DGKI: variants seen among roughly 807,000 people sequenced by gnomAD.
DGKI encodes DAG kinase iota.
A neutral mutation model predicts 147.5 loss-of-function variants in DGKI; 55 were observed. The ratio of observed to expected loss-of-function variants is 0.37; its 90% CI spans 0.30 to 0.47. The LOEUF (loss-of-function observed/expected upper bound fraction) is 0.47. Ranked by LOEUF, DGKI falls within the 20% of genes least tolerant of loss-of-function variation. DGKI has a pLI of 1.00. For synonymous variants in DGKI, 469 were observed against 477.1 expected, an observed-to-expected ratio of 0.98 and a Z score of 0.22; for missense variants, 1,007 against 1,323.8, an observed-to-expected ratio of 0.76 and a Z score of 3.71.
At chr7:137,550,904 C>A (rs1394109216) in intron 20 of DGKI, among the ~76,000 whole-genome samples, 1 of 152,258 alleles carries the variant, frequency 6.6e-6, no homozygotes, top group Non-Finnish European at 1.5e-5. Flanking sequence ...AACCCTTGGT[C>A]CATTTAACTC....
intron 8 of DGKI, among the ~76,000 whole-genome samples, chr7:137,619,511 T>C (rs1419928064): frequency 1.3e-5 from 2 of 152,136 alleles, no homozygotes; most frequent in Non-Finnish European, 2.9e-5. Flanking sequence ...GCATCAGCTA[T>C]ACCCACCACT....
intron 19 of DGKI, among the ~76,000 whole-genome samples, chr7:137,562,228 T>C (rs1406932253): frequency 3.3e-5 from 5 of 150,580 alleles, no homozygotes; most frequent in Non-Finnish European, 2.9e-5. Flanking sequence ...ATGTGAAAGA[T>C]GTATGGAAGT....
At chr7:137,815,903 T>C (rs895311099) in intron 1 of DGKI, among the ~76,000 whole-genome samples, 2 of 152,176 alleles carry the variant, frequency 1.3e-5, no homozygotes, top group African/African-American at 4.8e-5. Flanking sequence ...TATAGGCCCT[T>C]ATATATTTGT....
chr7:137,601,256 G>C (rs1225353003), intron 10 of DGKI, among the ~76,000 whole-genome samples: 1 of 151,600 alleles, frequency 6.6e-6, no homozygotes, highest in African/African-American at 2.4e-5. Flanking sequence ...GGGTGAAAGA[G>C]CGAGACTCTG....
intron 28 of DGKI, among the ~76,000 whole-genome samples, chr7:137,421,399 C>G (rs540136374): frequency 3.3e-5 from 5 of 152,348 alleles, no homozygotes; most frequent in Admixed American, 6.5e-5. Flanking sequence ...TAATTAAATG[C>G]ATGAATATAT....
chr7:137,688,553 T>C (rs932235391), intron 2 of DGKI, among the ~76,000 whole-genome samples: 2 of 152,176 alleles, frequency 1.3e-5, no homozygotes, highest in Admixed American at 6.5e-5. Flanking sequence ...AAACTACCCC[T>C]GGAATGTCTC....
At chr7:137,733,800 A>G (rs141452315) in intron 1 of DGKI, among the ~76,000 whole-genome samples, 11 of 152,220 alleles carry the variant, frequency 7.2e-5, no homozygotes, top group Non-Finnish European at 8.8e-5. Context: ...ATTGGTGAAG[A>G]CAGACCTCAT....
intron 1 of DGKI, among the ~76,000 whole-genome samples, chr7:137,771,335 C>G (rs1796190365): frequency 6.6e-6 from 1 of 152,174 alleles, no homozygotes; most frequent in Non-Finnish European, 1.5e-5. Context: ...AGGTGATCCA[C>G]CCGCTTCAGC....
chr7:137,556,174 G>T (rs953574511), intron 19 of DGKI, among the ~76,000 whole-genome samples: 1 of 151,766 alleles, frequency 6.6e-6, no homozygotes, highest in Non-Finnish European at 1.5e-5. Flanking sequence ...TGCCTTTTAT[G>T]ATAAAAATGA....
intron 1 of DGKI, among the ~76,000 whole-genome samples, chr7:137,817,185 G>C (rs528912425): frequency 6.6e-6 from 1 of 152,072 alleles, no homozygotes; most frequent in South Asian, 2.1e-4. Flanking sequence ...CTTTGTAGAA[G>C]ACCCTTCCCA....
intron 1 of DGKI, among the ~76,000 whole-genome samples, chr7:137,728,709 C>T (rs1794784960): frequency 6.6e-6 from 1 of 152,072 alleles, no homozygotes; most frequent in Non-Finnish European, 1.5e-5. Context: ...ACCAGCTTTT[C>T]CCCCCATGGT....
chr7:137,556,247 T>C (rs796701677), intron 19 of DGKI, among the ~76,000 whole-genome samples: 2 of 151,422 alleles, frequency 1.3e-5, no homozygotes, highest in East Asian at 1.9e-4. Flanking sequence ...CCCACCAAGA[T>C]ACCTAGAAAA....
At chr7:137,683,541 C>T (rs1483200566) in intron 2 of DGKI, among the ~76,000 whole-genome samples, 1 of 152,064 alleles carries the variant, frequency 6.6e-6, no homozygotes, top group African/African-American at 2.4e-5. Flanking sequence ...CACTGGGCTC[C>T]CTGTCACTCT....
At chr7:137,516,846 A>T (rs999028012) in intron 21 of DGKI, among the ~76,000 whole-genome samples, 2 of 152,072 alleles carry the variant, frequency 1.3e-5, no homozygotes, top group Non-Finnish European at 2.9e-5. Context: ...GAAACAATTT[A>T]AAAAATCTTG....
intron 1 of DGKI, among the ~76,000 whole-genome samples, chr7:137,748,044 G>T (rs149581411): frequency 6.6e-6 from 1 of 152,146 alleles, no homozygotes; most frequent in East Asian, 1.9e-4. Flanking sequence ...ACTATGAGAG[G>T]GAAAAGATTC....
chr7:137,834,380 T>C (rs1585550003), intron 1 of DGKI, among the ~76,000 whole-genome samples: 1 of 152,226 alleles, frequency 6.6e-6, no homozygotes, highest in Non-Finnish European at 1.5e-5. Context: ...ATGAAACATA[T>C]ATGAGAGGCA....
chr7:137,482,332 T>C (rs933664703), intron 23 of DGKI, among the ~76,000 whole-genome samples: 2 of 151,830 alleles, frequency 1.3e-5, no homozygotes, highest in South Asian at 2.1e-4. Flanking sequence ...TCTTGACCAG[T>C]TGCTGTCTTG....
chr7:137,730,587 G>A (rs7803175), intron 1 of DGKI, among the ~76,000 whole-genome samples: 35,299 of 151,880 alleles, frequency 0.23, 7,843 homozygotes, highest in African/African-American at 0.57. Flanking sequence ...CCTCATTTTT[G>A]AAACGTATTT....
At chr7:137,682,050 T>C (rs935446662) in intron 2 of DGKI, among the ~76,000 whole-genome samples, 1 of 152,214 alleles carries the variant, frequency 6.6e-6, no homozygotes, top group African/African-American at 2.4e-5. Context: ...ACCATGATTC[T>C]ACGTGGAAAG....
Sources: allele counts gnomAD v4.1 joint callset (sites outside exome capture counted in the v4.1 genomes callset), GRCh38; gene constraint gnomAD v4.1.1; transcripts MANE v1.5; gene names NCBI Gene and HGNC (gene_info 2026-07-23, HGNC 2026-07-21).